The following FAM53A variants were observed in gnomAD, a reference collection of about 807,000 sequenced individuals.
FAM53A encodes the protein protein FAM53A.
Under a neutral mutation model 26.6 loss-of-function variants are expected in FAM53A, and 28 were observed. That is an observed-to-expected ratio of 1.05 (90% CI 0.78 to 1.45). FAM53A has a LOEUF of 1.45. FAM53A is among the 40% of genes most tolerant of loss of function. FAM53A has a pLI of 0.00. For missense variants in FAM53A, 650 were observed against 575.8 expected, an observed-to-expected ratio of 1.13 and a Z score of -1.32; for synonymous variants, 290 against 253.1, an observed-to-expected ratio of 1.15 and a Z score of -1.38.
the FAM53A span, among the ~76,000 whole-genome samples, chr4:1,579,417 C>G: frequency 1.3e-5 from 2 of 152,016 alleles, no homozygotes; most frequent in Non-Finnish European, 2.9e-5. Flanking sequence ...CCTGCGTGGG[C>G]GCCTGCGCCA....
intron 1 of FAM53A, among the ~76,000 whole-genome samples, chr4:1,627,226 G>A (rs1263726286): frequency 6.6e-6 from 1 of 152,180 alleles, no homozygotes; most frequent in African/African-American, 2.4e-5. Context: ...AGCCCAGCAG[G>A]AGAAGGGAAC....
At chr4:1,616,919 T>C (rs924994918), downstream of FAM53A, among the ~76,000 whole-genome samples, 1 of 152,148 alleles carries the variant, frequency 6.6e-6, no homozygotes, top group Non-Finnish European at 1.5e-5. Flanking sequence ...GGTGGATCAC[T>C]TGAAATCAGG....
rs757682672 is a variant in FAM53A, at chr4:1,644,294, C to T, written c.883-2687G>A. On this transcript the variant is annotated intron_variant, in intron 4 of 4. Coordinates refer to ENST00000308132, the MANE Select transcript of FAM53A (RefSeq NM_001174070.3). ...GGACCCGACAGATGCTGTAAGCTCA[C>T]GCCGAGGCCTCGGACGCGGGACTCG... The T allele has an allele frequency of 5.5e-4, 843 of 1,535,986 alleles. 2 individuals are homozygous for T. The highest frequency in any genetic ancestry group is 7.0e-4 in the Non-Finnish European group (803 of 1,146,900).
the FAM53A span, among the ~76,000 whole-genome samples, chr4:1,608,261 C>G: frequency 6.6e-6 from 1 of 152,082 alleles, no homozygotes; most frequent in Non-Finnish European, 1.5e-5. Context: ...ACCTGCCGTG[C>G]CTGCACCCTG....
rs759197347 is a variant in FAM53A, at chr4:1,655,308, C to T, written c.552G>A (p.Thr184=). The part of the protein sequence containing the change: ...VWSTGPTSPA[T]PRPSSASGGF... ...CGCCGCTGGCGGAGGACGGCCGGGG[C>T]GTGGCGGGCGAGGTGGGACCGGTCG... The change falls in exon 4 of 5, where the codon ACG becomes ACA. Residue 184 remains threonine (T), a synonymous_variant. Transcript: ENST00000308132. The T allele has an allele frequency of 3.6e-5, 51 of 1,417,818 alleles. No individual in the cohort carries two copies. The highest frequency in any genetic ancestry group is 4.5e-5 in the Non-Finnish European group (49 of 1,092,180). The allele number at this position is 1,417,818 out of a possible 1,614,324, so 87.8% of individuals were successfully genotyped here.
At chr4:1,633,821 A>G (rs1265039353) in intron 1 of FAM53A, among the ~76,000 whole-genome samples, 2 of 152,070 alleles carry the variant, frequency 1.3e-5, no homozygotes, top group Non-Finnish European at 2.9e-5. Flanking sequence ...GAACATATAC[A>G]TTACCAGAAT....
chr4:1,635,567 T>G (rs1715801055), downstream of FAM53A, among the ~76,000 whole-genome samples: 1 of 152,166 alleles, frequency 6.6e-6, no homozygotes, highest in South Asian at 2.1e-4. Context: ...CCAGCCACTG[T>G]GCCCAGCTAT....
intron 1 of FAM53A, among the ~76,000 whole-genome samples, chr4:1,676,822 G>A (rs889951272): frequency 3.9e-5 from 6 of 152,120 alleles, no homozygotes; most frequent in Non-Finnish European, 8.8e-5. Flanking sequence ...TCAAGTCATC[G>A]CTGACATTAT....
the FAM53A span, among the ~76,000 whole-genome samples, chr4:1,576,816 C>T: frequency 6.6e-6 from 1 of 152,170 alleles, no homozygotes; most frequent in African/African-American, 2.4e-5. Context: ...GGCGGAAGCC[C>T]GGAGAGTTGG....
chr4:1,601,119 G>C, the FAM53A span, among the ~76,000 whole-genome samples: 1 of 152,146 alleles, frequency 6.6e-6, no homozygotes, highest in East Asian at 1.9e-4. Context: ...GGTGGGGGTG[G>C]GGGTTGGGAC....
the FAM53A span, among the ~76,000 whole-genome samples, chr4:1,580,540 C>T: frequency 6.8e-6 from 1 of 146,494 alleles, no homozygotes; most frequent in African/African-American, 2.5e-5. Flanking sequence ...CCCGCCTCCA[C>T]TCAGGGAGCC....
intron 1 of FAM53A, among the ~76,000 whole-genome samples, chr4:1,631,639 G>A (rs4865450): frequency 1.5e-4 from 23 of 152,218 alleles, no homozygotes; most frequent in Admixed American, 1.5e-3. Flanking sequence ...AGAGTGGGGA[G>A]ACTGAGGCAC....
At chr4:1,606,576 A>G in the FAM53A span, among the ~76,000 whole-genome samples, 598 of 151,018 alleles carry the variant, frequency 4.0e-3, 7 homozygotes, top group African/African-American at 0.014. Flanking sequence ...AGACAAGTGC[A>G]TAATGACAAG....
the FAM53A span, among the ~76,000 whole-genome samples, chr4:1,608,663 T>G: frequency 1.1e-4 from 16 of 152,206 alleles, no homozygotes; most frequent in Non-Finnish European, 1.8e-4. Context: ...CTCTGCTTAG[T>G]AACGGCTCCG....
intron 1 of FAM53A, among the ~76,000 whole-genome samples, chr4:1,677,139 C>T (rs899307493): frequency 3.3e-5 from 5 of 152,294 alleles, no homozygotes; most frequent in Admixed American, 1.3e-4. Context: ...AAGACCACAC[C>T]TCTTCTCTCC....
chr4:1,579,473 T>C, the FAM53A span, among the ~76,000 whole-genome samples: 1 of 150,816 alleles, frequency 6.6e-6, no homozygotes, highest in Non-Finnish European at 1.5e-5. Flanking sequence ...CCCCGCGTCC[T>C]GGGGAGGAGG....
At chr4:1,622,316 C>T (rs28754473) in intron 1 of FAM53A, among the ~76,000 whole-genome samples, 35,680 of 152,210 alleles carry the variant, frequency 0.23, 4,599 homozygotes, top group East Asian at 0.37. Context: ...AGAACAAAGG[C>T]GGCTGCTTCC....
At position 1,654,978 on chromosome 4, in the gene FAM53A, C is replaced by A. The variant is rs748762840; in HGVS notation, c.882G>T (p.Gln294His). 6.6e-7 allele frequency: 1 copy of A among 1,517,040 alleles called. No homozygotes were observed. Among genetic ancestry groups the A allele is most frequent in the Admixed American group, 2.1e-5 (1 of 48,184 alleles). 94.0% of individuals were successfully genotyped at this position (1,517,040 alleles called of 1,614,324 possible). The change falls in exon 4 of 5, where the codon CAG (glutamine) becomes CAT (histidine). Residue 294 changes from glutamine (Q) to histidine (H), a missense_variant and splice_region_variant. Physicochemically the swap from Gln to His is conservative, Grantham distance 24. Transcript: ENST00000308132. ...GCCCCTGGAAATAAGAAAGCCTCACCTGGGTCATTTTCAGGAAGTCCAAGG... is the reference window on the plus strand; with the variant it reads ...GCCCCTGGAAATAAGAAAGCCTCACATGGGTCATTTTCAGGAAGTCCAAGG... ...RPSLDFLKMT[Q>H]TLKNSKSLCS...
intron 1 of FAM53A, among the ~76,000 whole-genome samples, chr4:1,626,906 G>A (rs1332311773): frequency 6.6e-6 from 1 of 152,186 alleles, no homozygotes; most frequent in Non-Finnish European, 1.5e-5. Flanking sequence ...TATGTGGGGA[G>A]GGGCCAGCCC....
Sources: gnomAD v4.1 joint callset for allele counts (sites outside exome capture counted in the v4.1 genomes callset) on GRCh38, gnomAD v4.1.1 for gene constraint, MANE v1.5 for transcripts, NCBI Gene and HGNC (gene_info 2026-07-23, HGNC 2026-07-21) for gene names.